Variants in DCLK2 observed in about 807,000 individuals in gnomAD.
DCLK2 encodes serine/threonine-protein kinase DCLK2.
A neutral mutation model predicts 78.4 loss-of-function variants in DCLK2; 31 were observed. The observed-to-expected ratio is 0.40, with a 90% CI of 0.30 to 0.53. DCLK2 has a LOEUF of 0.53. Ranked by LOEUF, DCLK2 falls within the 20% of genes least tolerant of loss-of-function variation. The pLI is 0.61. For missense variants in DCLK2, 872 were observed against 973.7 expected (o/e 0.90, Z 1.39); for synonymous variants, 407 against 374.9 (o/e 1.09, Z -0.99).
chr4:150,198,172 T>C, intron 4 of DCLK2, 69 bp downstream of exon 4: 2 of 1,402,382 alleles, frequency 1.4e-6, no homozygotes, highest in Non-Finnish European at 9.8e-7. Flanking sequence ...TTCTCTAATT[T>C]TTATGAATTA....
intron 8 of DCLK2, 24 bp downstream of exon 8, chr4:150,224,582 T>C (rs1275578881): frequency 6.3e-7 from 1 of 1,588,364 alleles, no homozygotes; most frequent in Admixed American, 1.8e-5. Flanking sequence ...AACCCCTAGT[T>C]CTGAAAGAAA....
chr4:150,252,586 A>G (rs1402363841), intron 15 of DCLK2, among the ~76,000 whole-genome samples: 2 of 152,198 alleles, frequency 1.3e-5, no homozygotes, highest in Non-Finnish European at 2.9e-5. Flanking sequence ...CTAGATAATG[A>G]CGCTTAGACC....
intron 1 of DCLK2, among the ~76,000 whole-genome samples, chr4:150,090,347 G>A (rs1332156878): frequency 1.3e-5 from 2 of 152,118 alleles, no homozygotes; most frequent in African/African-American, 4.8e-5. Flanking sequence ...CAGAGGTTGT[G>A]GTGATCCAAG....
chr4:150,130,027 A>G (rs1733188556), intron 2 of DCLK2, among the ~76,000 whole-genome samples: 1 of 152,172 alleles, frequency 6.6e-6, no homozygotes, highest in Middle Eastern at 3.2e-3. Context: ...GCAATTTAGC[A>G]CTGATACTGT....
chr4:150,235,862 A>G (rs1742458761), intron 10 of DCLK2, among the ~76,000 whole-genome samples: 1 of 152,234 alleles, frequency 6.6e-6, no homozygotes. Flanking sequence ...GGTAAGCAGC[A>G]TCATAATTTA....
intron 1 of DCLK2, among the ~76,000 whole-genome samples, chr4:150,084,672 A>G (rs191220535): frequency 1.9e-4 from 29 of 152,324 alleles, no homozygotes; most frequent in Admixed American, 1.8e-3. Flanking sequence ...ATAAGACAAG[A>G]TTAATATCTA....
At chr4:150,239,381 C>T (rs576797690) in intron 10 of DCLK2, among the ~76,000 whole-genome samples, 12 of 152,020 alleles carry the variant, frequency 7.9e-5, no homozygotes, top group African/African-American at 1.2e-4. Flanking sequence ...GCAGATCTCA[C>T]GATCCCAGGA....
At chr4:150,170,178 C>T (rs185212330) in intron 2 of DCLK2, among the ~76,000 whole-genome samples, 63 of 152,202 alleles carry the variant, frequency 4.1e-4, no homozygotes, top group African/African-American at 1.4e-3. Context: ...CTCAGCCTCC[C>T]GAGTGGCTGG....
At chr4:150,249,060 C>A (rs2126628144) in intron 14 of DCLK2, among the ~76,000 whole-genome samples, 1 of 152,270 alleles carries the variant, frequency 6.6e-6, no homozygotes, top group Middle Eastern at 3.4e-3. Flanking sequence ...ACCCACCCAC[C>A]ATCCAGGTGC....
chr4:150,079,033 C>T lies in DCLK2; in HGVS notation c.6C>T (p.Ala2=). The change falls in exon 1 of 16, where the codon GCC becomes GCT. Residue 2 remains alanine (A), a synonymous_variant. Coordinates refer to ENST00000296550, the MANE Select transcript of DCLK2 (RefSeq NM_001040260.4). The part of the protein sequence containing the change: M[A]STRSIELEHF... ...ACGCCCTCGGAGCAGCCGCGATGGC[C>T]AGCACCAGGAGTATCGAGCTGGAGC... 1 of 1,531,674 alleles carries T rather than the reference C, an allele frequency of 6.5e-7. No homozygotes were observed. Among genetic ancestry groups the T allele is most frequent in the Non-Finnish European group, 8.7e-7 (1 of 1,144,530 alleles). The allele number at this position is 1,531,674 out of a possible 1,614,324, so 94.9% of individuals were successfully genotyped here.
intron 12 of DCLK2, among the ~76,000 whole-genome samples, chr4:150,246,205 T>G (rs1001132979): frequency 6.6e-6 from 1 of 152,118 alleles, no homozygotes; most frequent in African/African-American, 2.4e-5. Flanking sequence ...CCACCATGCC[T>G]GGCTGATTTT....
At chr4:150,190,098 A>G (rs2359927) in intron 2 of DCLK2, among the ~76,000 whole-genome samples, 128,276 of 146,742 alleles carry the variant, frequency 0.87, 56,452 homozygotes, top group Middle Eastern at 0.96. Context: ...AAACTGAGGC[A>G]GGAGGATCAC....
At chr4:150,200,457 A>G (rs1739370684) in intron 4 of DCLK2, among the ~76,000 whole-genome samples, 1 of 152,244 alleles carries the variant, frequency 6.6e-6, no homozygotes, top group Non-Finnish European at 1.5e-5. Flanking sequence ...GTGAATCTCA[A>G]GAAAGCTACT....
At chr4:150,171,760 G>A (rs1736548043) in intron 2 of DCLK2, among the ~76,000 whole-genome samples, 1 of 152,126 alleles carries the variant, frequency 6.6e-6, no homozygotes, top group Non-Finnish European at 1.5e-5. Context: ...TTTGTGCTTG[G>A]AAATAGTGTC....
intron 2 of DCLK2, among the ~76,000 whole-genome samples, chr4:150,178,202 G>C (rs890145552): frequency 6.6e-6 from 1 of 152,214 alleles, no homozygotes; most frequent in Non-Finnish European, 1.5e-5. Flanking sequence ...AGTAGGCATT[G>C]ATAAGCCAAT....
intron 2 of DCLK2, among the ~76,000 whole-genome samples, chr4:150,170,761 T>C (rs1014473329): frequency 1.3e-5 from 2 of 152,074 alleles, no homozygotes. Flanking sequence ...AAGACCAGAA[T>C]CTTGGTATTT....
rs1216080802 is a variant in DCLK2 at position 150,081,997 on chromosome 4, CA to C, written c.421+2566del. 3.8e-3 allele frequency among the ~76,000 whole-genome samples: 227 copies of C among 60,192 alleles called. 2 individuals carry two copies. Among genetic ancestry groups the C allele is most frequent in the South Asian group, 0.035 (63 of 1,790 alleles). 39.5% of individuals were successfully genotyped at this position (60,192 alleles called of 152,430 possible). ...TGGGCGATGGAGCAAGACTCTGTCT[CA>C]AAAAAAAAAAAAAAAAGAAAAGAAA... On this transcript the variant is annotated intron_variant, in intron 1 of 15. Transcript: ENST00000296550.
chr4:150,241,941 T>C (rs1343281423), intron 12 of DCLK2, among the ~76,000 whole-genome samples: 3 of 152,226 alleles, frequency 2.0e-5, no homozygotes, highest in African/African-American at 4.8e-5. Flanking sequence ...AGCATGTGAA[T>C]TTTGGGGAGA....
At chr4:150,106,091 G>T (rs1488356867) in intron 2 of DCLK2, among the ~76,000 whole-genome samples, 2 of 151,554 alleles carry the variant, frequency 1.3e-5, no homozygotes, top group African/African-American at 4.9e-5. Context: ...AGACTTTCAA[G>T]TAAAATATTT....
Sources: allele counts gnomAD v4.1 joint callset (sites outside exome capture counted in the v4.1 genomes callset), GRCh38; gene constraint gnomAD v4.1.1; transcripts MANE v1.5; gene names NCBI Gene and HGNC (gene_info 2026-07-23, HGNC 2026-07-21).